Variants in METTL25 observed in about 807,000 individuals in gnomAD.
The protein encoded by METTL25 is methyltransferase like 25, also known as probable methyltransferase-like protein 25.
Under a neutral mutation model 71.6 loss-of-function variants are expected in METTL25, and 64 were observed. That is an observed-to-expected ratio of 0.89 (90% confidence interval 0.73 to 1.10). The LOEUF (loss-of-function observed/expected upper bound fraction) is 1.10, where lower values mean the gene tolerates loss of function less well. Ranked by LOEUF, METTL25 falls within the 50% of genes least tolerant of loss-of-function variation. The pLI is 0.00. For synonymous variants in METTL25, 287 were observed against 250.3 expected, an observed-to-expected ratio of 1.15 and a Z score of -1.38; for missense variants, 807 against 707.0, an observed-to-expected ratio of 1.14 and a Z score of -1.60.
intron 8 of METTL25, among the ~76,000 whole-genome samples, chr12:82,450,421 C>T (rs888722015): frequency 2.0e-5 from 3 of 152,022 alleles, no homozygotes; most frequent in Admixed American, 6.6e-5. Context: ...CACTTTTCAC[C>T]GTCCTCAGGA....
At chr12:82,372,898 G>A (rs956133773) in intron 1 of METTL25, among the ~76,000 whole-genome samples, 1 of 152,122 alleles carries the variant, frequency 6.6e-6, no homozygotes, top group African/African-American at 2.4e-5. Flanking sequence ...AACCTGCAAC[G>A]GTCCCTGGAC....
At chr12:82,434,593 TAATC>T (rs1281085795) in intron 6 of METTL25, 98 bp from the exon 7 acceptor site, 3 of 908,894 alleles carry the variant, frequency 3.3e-6, no homozygotes, top group Non-Finnish European at 5.4e-6. Context: ...ATCACATAAT[TAATC>T]TTTCTAAATG....
chr12:82,435,493 T>C (rs1889848934), intron 7 of METTL25, among the ~76,000 whole-genome samples: 1 of 151,484 alleles, frequency 6.6e-6, no homozygotes, highest in Non-Finnish European at 1.5e-5. Flanking sequence ...TATCTTAAAA[T>C]TGATAAAATC....
At chr12:82,373,185 C>T (rs986728889) in intron 1 of METTL25, among the ~76,000 whole-genome samples, 3 of 152,026 alleles carry the variant, frequency 2.0e-5, no homozygotes, top group African/African-American at 7.3e-5. Context: ...TATGTTATGC[C>T]CCAAAAATGA....
chr12:82,409,017 T>C (rs1036624437), intron 5 of METTL25, among the ~76,000 whole-genome samples: 3 of 152,140 alleles, frequency 2.0e-5, no homozygotes, highest in Non-Finnish European at 4.4e-5. Context: ...ATTTGAGTTA[T>C]TAATAGTCTA....
intron 5 of METTL25, among the ~76,000 whole-genome samples, chr12:82,420,637 G>A (rs1212933820): frequency 6.6e-6 from 1 of 152,048 alleles, no homozygotes; most frequent in African/African-American, 2.4e-5. Context: ...CCCATATTAA[G>A]TACTCAATAA....
intron 1 of METTL25, among the ~76,000 whole-genome samples, chr12:82,384,339 G>C (rs1565814480): frequency 1.3e-5 from 2 of 151,478 alleles, no homozygotes; most frequent in Non-Finnish European, 2.9e-5. Flanking sequence ...TCACATAACT[G>C]TTTCAGAGAT....
chr12:82,418,938 T>TTA (rs1888222845), intron 5 of METTL25, among the ~76,000 whole-genome samples: 1 of 152,168 alleles, frequency 6.6e-6, no homozygotes, highest in African/African-American at 2.4e-5. Context: ...AGTGAAGTCA[T>TTA]TATATGACAA....
chr12:82,400,962 T>C (rs1199503912), intron 4 of METTL25, among the ~76,000 whole-genome samples: 1 of 152,128 alleles, frequency 6.6e-6, no homozygotes, highest in African/African-American at 2.4e-5. Flanking sequence ...GAGAAATTCG[T>C]AGCTTTATTA....
At chr12:82,428,247 A>T (rs1219861531) in intron 5 of METTL25, among the ~76,000 whole-genome samples, 1 of 151,904 alleles carries the variant, frequency 6.6e-6, no homozygotes, top group Non-Finnish European at 1.5e-5. Context: ...TTGCATGGAA[A>T]TCTGAGAATT....
At chr12:82,461,876 T>TA (rs1265463388) in intron 9 of METTL25, among the ~76,000 whole-genome samples, 4 of 152,212 alleles carry the variant, frequency 2.6e-5, no homozygotes, top group East Asian at 1.9e-4. Context: ...AGATTAGAGT[T>TA]AAAATCACTG....
chr12:82,438,706 C>T lies in METTL25; in HGVS notation c.1405-12C>T. On this transcript the variant is annotated splice_polypyrimidine_tract_variant and intron_variant, in intron 7 of 11. Transcript: ENST00000248306. ...TGTTTCTTGTGCTTATATATGTCTA[C>T]ATTTTTTTCAGCTGCCTACTGAATC... 1 of 1,456,684 alleles carries T rather than the reference C, an allele frequency of 6.9e-7. No homozygotes were observed. Among genetic ancestry groups the T allele is most frequent in the Non-Finnish European group, 9.1e-7 (1 of 1,094,624 alleles). The allele number at this position is 1,456,684 out of a possible 1,614,324, so 90.2% of individuals were successfully genotyped here.
intron 8 of METTL25, among the ~76,000 whole-genome samples, chr12:82,442,677 C>A (rs932283306): frequency 6.6e-6 from 1 of 152,004 alleles, no homozygotes; most frequent in African/African-American, 2.4e-5. Context: ...ACGTCAGTAT[C>A]CTGAATATTA....
rs545519399 is a variant in METTL25, at chr12:82,392,639, A to G, written c.531+2717A>G. On this transcript the variant is annotated intron_variant, in intron 3 of 11. Coordinates refer to ENST00000248306, the MANE Select transcript of METTL25 (RefSeq NM_032230.3). ...AAGGTTATTAGCTTGATGTGATCCC[A>G]TTTTTGTCCATTGCCCATTTTTGCT... Among the ~76,000 whole-genome samples the G allele has an allele frequency of 5.9e-5, 9 of 151,838 alleles. 1 individual carries two copies. The South Asian group carries it at 1.7e-3, about 28-fold the overall frequency.
At chr12:82,451,989 G>A (rs1473358256) in intron 8 of METTL25, among the ~76,000 whole-genome samples, 2 of 152,034 alleles carry the variant, frequency 1.3e-5, no homozygotes, top group African/African-American at 4.8e-5. Context: ...AATGACAGAA[G>A]TTTCTGTGCC....
intron 4 of METTL25, among the ~76,000 whole-genome samples, chr12:82,402,083 C>G (rs1487499055): frequency 1.3e-5 from 2 of 151,870 alleles, no homozygotes; most frequent in Non-Finnish European, 2.9e-5. Flanking sequence ...TACATTTGTA[C>G]TCATTGTGTA....
At chr12:82,367,698 G>A (rs142101590) in intron 1 of METTL25, among the ~76,000 whole-genome samples, 67 of 152,172 alleles carry the variant, frequency 4.4e-4, no homozygotes, top group South Asian at 3.7e-3. Context: ...GTCCAAAACC[G>A]TAGTTCTGAT....
At chr12:82,373,786 C>G (rs1883522972) in intron 1 of METTL25, among the ~76,000 whole-genome samples, 1 of 152,186 alleles carries the variant, frequency 6.6e-6, no homozygotes, top group South Asian at 2.1e-4. Flanking sequence ...ACCAGTGCTC[C>G]CAACTCCAAA....
chr12:82,431,066 T>C, intron 6 of METTL25, 79 bp downstream of exon 6: 1 of 843,578 alleles, frequency 1.2e-6, no homozygotes, highest in Non-Finnish European at 1.8e-6. Flanking sequence ...GTATCATGCA[T>C]TCAATGCCAA....
Sources: allele counts gnomAD v4.1 joint callset (sites outside exome capture counted in the v4.1 genomes callset), GRCh38; gene constraint gnomAD v4.1.1; transcripts MANE v1.5; gene names NCBI Gene and HGNC (gene_info 2026-07-23, HGNC 2026-07-21).